Variants in MVD observed in about 807,000 individuals in gnomAD.
MVD encodes the protein mevalonate diphosphate decarboxylase.
A neutral mutation model predicts 42.4 loss-of-function variants in MVD; 52 were observed. That is an observed-to-expected ratio of 1.23 (90% CI 0.98 to 1.55). The LOEUF (loss-of-function observed/expected upper bound fraction) is 1.55, where lower values mean the gene tolerates loss of function less well. MVD is among the 40% of genes most tolerant of loss of function. The pLI is 0.00. For missense variants in MVD, 663 were observed against 572.1 expected (o/e 1.16, Z -1.62); for synonymous variants, 287 against 243.2 (o/e 1.18, Z -1.68).
At chr16:88,657,166 T>TG in intron 4 of MVD, 1 of 652,404 alleles carries the variant, frequency 1.5e-6, no homozygotes, top group South Asian at 1.5e-5. Flanking sequence ...AGGCTGGTCT[T>TG]GAACTCCTGG....
intron 7 of MVD, 138 bp downstream of exon 7, chr16:88,655,061 G>C (rs980896495): frequency 3.6e-6 from 4 of 1,108,780 alleles, no homozygotes; most frequent in Non-Finnish European, 5.1e-6. Context: ...GATGGTCAGT[G>C]AGCTTCGCAC....
rs377645347 is a variant in MVD at position 88,655,389 on chromosome 16, C to T, written c.707G>A (p.Arg236His). The change falls in exon 7 of 10, where the codon CGC becomes CAC. Residue 236 changes from arginine (R) to histidine (H), a missense_variant. By Grantham distance (29) the Arg-to-His change is conservative (BLOSUM62 0). Coordinates refer to ENST00000301012, the MANE Select transcript of MVD (RefSeq NM_002461.3). ...GATGCAGCGGGCCATCTCCGCCATG[C>T]GCGCGGGCACCACGGACTCGGCCCG... ...RFRAESVVPA[R>H]MAEMARCIRE... is the part of the protein sequence containing the mutation. The T allele has an allele frequency of 1.9e-5, 30 of 1,589,506 alleles. No homozygotes were observed. Among genetic ancestry groups the T allele is most frequent in the Middle Eastern group, 3.5e-4 (2 of 5,664 alleles).
In MVD at chr16:88,653,286, G is replaced by T; in HGVS notation, c.1122+14C>A. 6.3e-7 allele frequency: 1 copy of T among 1,590,804 alleles called. No homozygotes were observed. The highest frequency in any genetic ancestry group is 2.3e-5 in the East Asian group (1 of 43,740). Reference sequence around the variant, plus strand: ...AAGGAAACCCCGGGGTACTGGGTGAGCCCCAGGCCTCACCTGAGTGACAAT... The same window carrying T: ...AAGGAAACCCCGGGGTACTGGGTGATCCCCAGGCCTCACCTGAGTGACAAT... On this transcript the variant is annotated intron_variant, in intron 9 of 9. Transcript: ENST00000301012.
rs369603174 is a variant in MVD at position 88,658,002 on chromosome 16, T to C, written c.169A>G (p.Ser57Gly). 9 of 1,613,980 alleles carry C rather than the reference T, an allele frequency of 5.6e-6. No homozygotes were observed. The African/African-American group carries it at 9.3e-5, about 17-fold the overall frequency. ...QLKTTTTAVISKDFTEDRIWL... is the reference protein window; with the variant it reads ...QLKTTTTAVIGKDFTEDRIWL... Reference sequence around the variant, plus strand: ...ATCCGGTCCTCGGTGAAGTCCTTGCTGATGACGGCTGTTGTGGTGGTTTTT... The same window carrying C: ...ATCCGGTCCTCGGTGAAGTCCTTGCCGATGACGGCTGTTGTGGTGGTTTTT... The change falls in exon 3 of 10, where the codon AGC becomes GGC. Residue 57 changes from serine to glycine, a missense_variant. Physicochemically the swap from Ser to Gly is moderately conservative, Grantham distance 56. Transcript: ENST00000301012.
intron 1 of MVD, among the ~76,000 whole-genome samples, chr16:88,661,465 C>A (rs1270437703): frequency 2.0e-5 from 3 of 152,012 alleles, no homozygotes; most frequent in African/African-American, 7.3e-5. Flanking sequence ...CTCAGGTGAT[C>A]CGCCCACCTC....
chr16:88,661,808 C>T (rs1042005027), intron 1 of MVD, among the ~76,000 whole-genome samples: 1 of 150,206 alleles, frequency 6.7e-6, no homozygotes, highest in African/African-American at 2.5e-5. Flanking sequence ...TGCAAAATGG[C>T]CCAGCCACTC....
intron 1 of MVD, among the ~76,000 whole-genome samples, chr16:88,661,578 C>T (rs1908294229): frequency 1.3e-5 from 2 of 152,010 alleles, no homozygotes; most frequent in South Asian, 4.2e-4. Flanking sequence ...CCATCCAGTT[C>T]GAGCGTGGAC....
At chr16:88,661,342 A>G (rs1434401447) in intron 1 of MVD, among the ~76,000 whole-genome samples, 1 of 152,180 alleles carries the variant, frequency 6.6e-6, no homozygotes, top group Non-Finnish European at 1.5e-5. Flanking sequence ...GGGAGACAAT[A>G]CCTGCAAACC....
intron 4 of MVD, 30 bp downstream of exon 4, chr16:88,657,406 G>C (rs200980674): frequency 1.9e-6 from 3 of 1,568,602 alleles, no homozygotes; most frequent in East Asian, 4.8e-5. Flanking sequence ...CCACAGCCCA[G>C]AACCCCTGCG....
rs751151704 is a variant in MVD at position 88,653,249 on chromosome 16, C to A, written c.1122+51G>T. The A allele has an allele frequency of 4.9e-5, 73 of 1,487,456 alleles. No individual in the cohort carries two copies. In the South Asian group the frequency reaches 7.2e-4, roughly 15 times the overall value. The allele number at this position is 1,487,456 out of a possible 1,614,324, so 92.1% of individuals were successfully genotyped here. The stretch of plus-strand genomic sequence containing the variant: ...AAGGGCCCTGGGGGCTGGGCGGGCC[C>A]CCCTGGCAGGAAAGGAAACCCCGGG... On this transcript the variant is annotated intron_variant, in intron 9 of 9. Coordinates refer to ENST00000301012, the MANE Select transcript of MVD (RefSeq NM_002461.3).
At chr16:88,659,685 G>A (rs1052516385) in intron 1 of MVD, among the ~76,000 whole-genome samples, 1 of 152,168 alleles carries the variant, frequency 6.6e-6, no homozygotes, top group South Asian at 2.1e-4. Flanking sequence ...CAGACTCCTG[G>A]CCGGGCGCGG....
Position 88,654,740 on chromosome 16 carries a change from A to T in MVD, c.965T>A (p.Phe322Tyr). ...AAAGCCGTGCCACACAGCAGCCACA[A>T]ACTCAGCCACAGTGTCGTCCAGGGT... Reference protein sequence around the residue: ...IFTLDDTVAEFVAAVWHGFPP... With the variant: ...IFTLDDTVAEYVAAVWHGFPP... Residue 322 changes from phenylalanine to tyrosine, a missense_variant, in exon 8 of 10, where the codon TTT becomes TAT. By Grantham distance (22) the Phe-to-Tyr change is conservative. Transcript: ENST00000301012. 1 of 1,603,530 alleles carries T rather than the reference A, an allele frequency of 6.2e-7. No homozygotes were observed. The highest frequency in any genetic ancestry group is 8.5e-7 in the Non-Finnish European group (1 of 1,176,596).
intron 1 of MVD, chr16:88,659,105 C>T (rs910298567): frequency 9.5e-5 from 25 of 264,230 alleles, no homozygotes; most frequent in Non-Finnish European, 1.8e-4. Context: ...GCCCCAGGAA[C>T]ATCCAGGATA....
intron 4 of MVD, 47 bp downstream of exon 4, chr16:88,657,389 C>G (rs567356332): frequency 2.6e-4 from 396 of 1,545,824 alleles, no homozygotes; most frequent in Non-Finnish European, 3.2e-4. Context: ...TGAAGTGGCT[C>G]CTGCGCCCAC....
intron 1 of MVD, among the ~76,000 whole-genome samples, chr16:88,661,924 A>C (rs1908321451): frequency 1.1e-5 from 1 of 94,016 alleles, no homozygotes. Context: ...ATATACACAC[A>C]CATATATCTA....
chr16:88,657,231 C>G (rs1218880336), intron 4 of MVD: 2 of 781,590 alleles, frequency 2.6e-6, no homozygotes, highest in Non-Finnish European at 4.3e-6. Flanking sequence ...CAGGCGAGAG[C>G]CCCACGCCAG....
chr16:88,655,272 G>A lies in MVD; in HGVS notation c.824C>T (p.Ser275Phe), dbSNP rs1043304795. ...GCGCCAGGAGATGGCATTGAGGTAA[G>A]AGATGGGCGGGAAGGTGTCGAGGCA... The part of the protein sequence containing the change: ...ATCLDTFPPI[S>F]YLNAISWRII... The change falls in exon 7 of 10, where the codon TCT (serine) becomes TTT (phenylalanine). Residue 275 changes from serine to phenylalanine, a missense_variant. Transcript: ENST00000301012. 4.4e-6 allele frequency: 7 copies of A among 1,591,518 alleles called. No homozygotes were observed. The highest frequency in any genetic ancestry group is 6.0e-6 in the Non-Finnish European group (7 of 1,169,152).
rs1006944554 is a variant in MVD, at chr16:88,655,486, T to C, written c.679-69A>G. The C allele has an allele frequency of 1.8e-5, 27 of 1,527,132 alleles. No individual in the cohort carries two copies. In the South Asian group the frequency reaches 2.0e-4, roughly 11 times the overall value. 94.6% of individuals were successfully genotyped at this position (1,527,132 alleles called of 1,614,324 possible). ...GACAGCAGAGGGTTCGAGGAGAGAC[T>C]CCGGGGTTGGAGGCCCGGCTCGAGC... On this transcript the variant is annotated intron_variant, in intron 6 of 9. Transcript: ENST00000301012.
In MVD at chr16:88,654,220, G is replaced by A. The variant is rs951794274; in HGVS notation, c.1013+472C>T. On this transcript the variant is annotated intron_variant, in intron 8 of 9. Coordinates refer to ENST00000301012, the MANE Select transcript of MVD (RefSeq NM_002461.3). ...TCTGTGGCGCCAAGATGCAGCTGCC[G>A]GACCCCACCCAAGAAAAGACACCCA... Among the ~76,000 whole-genome samples, 5 of 152,156 alleles carry A rather than the reference G, an allele frequency of 3.3e-5. No individual in the cohort carries two copies. In the South Asian group the frequency reaches 6.2e-4, roughly 19 times the overall value.
Sources: gnomAD v4.1 joint callset for allele counts (sites outside exome capture counted in the v4.1 genomes callset) on GRCh38, gnomAD v4.1.1 for gene constraint, MANE v1.5 for transcripts, NCBI Gene and HGNC (gene_info 2026-07-23, HGNC 2026-07-21) for gene names.